Variants in GFRA1 observed in about 807,000 individuals in gnomAD.
GFRA1 encodes the protein GDNF family receptor alpha 1.
In GFRA1, 16 loss-of-function variants were observed where a neutral mutation model predicts 51.6. The observed-to-expected ratio is 0.31, with a 90% CI of 0.21 to 0.47. GFRA1 has a LOEUF of 0.47. Among genes scored for constraint, GFRA1 ranks in the 20% least tolerant of loss-of-function variants. GFRA1 has a pLI of 1.00. For missense variants in GFRA1, 530 were observed against 594.3 expected (o/e 0.89, Z 1.13); for synonymous variants, 270 against 241.3 (o/e 1.12, Z -1.10).
At chr10:116,255,866 T>A (rs1462399471) in intron 4 of GFRA1, 4 of 456,594 alleles carry the variant, frequency 8.8e-6, no homozygotes, top group Non-Finnish European at 1.2e-5. Flanking sequence ...AAATCAGTGT[T>A]TTGGACTGAC....
intron 6 of GFRA1, among the ~76,000 whole-genome samples, chr10:116,102,386 T>C (rs1264358637): frequency 6.6e-6 from 1 of 152,032 alleles, no homozygotes; most frequent in African/African-American, 2.4e-5. Context: ...GACAAGAGGG[T>C]AGTGAGTCTA....
intron 5 of GFRA1, among the ~76,000 whole-genome samples, chr10:116,189,190 ATAGACT>A (rs1455085572): frequency 6.6e-6 from 1 of 151,906 alleles, no homozygotes; most frequent in African/African-American, 2.4e-5. Flanking sequence ...ATGCCTCTTC[ATAGACT>A]TAAAGGTGGG....
chr10:116,254,508 TAA>T (rs11447649), intron 4 of GFRA1, among the ~76,000 whole-genome samples: 1 of 145,714 alleles, frequency 6.9e-6, no homozygotes, highest in South Asian at 2.2e-4. Context: ...CTGACTCTAT[TAA>T]AAAAAAAAAG....
chr10:116,247,273 T>G (rs1213557527), intron 4 of GFRA1, among the ~76,000 whole-genome samples: 2 of 152,242 alleles, frequency 1.3e-5, no homozygotes, highest in Non-Finnish European at 2.9e-5. Context: ...CCCTTGAATC[T>G]AACTGCTTCT....
intron 5 of GFRA1, among the ~76,000 whole-genome samples, chr10:116,182,810 C>A (rs1458454953): frequency 6.6e-6 from 1 of 152,212 alleles, no homozygotes; most frequent in Non-Finnish European, 1.5e-5. Flanking sequence ...GAGCAAAGCC[C>A]AGGTCTGAAA....
intron 9 of GFRA1, among the ~76,000 whole-genome samples, chr10:116,078,026 A>G (rs1955691082): frequency 6.6e-6 from 1 of 152,238 alleles, no homozygotes; most frequent in African/African-American, 2.4e-5. Flanking sequence ...TGCCACTTAC[A>G]TGTATGATAC....
intron 4 of GFRA1, among the ~76,000 whole-genome samples, chr10:116,263,330 A>G (rs1399272610): frequency 6.6e-6 from 1 of 152,196 alleles, no homozygotes; most frequent in Non-Finnish European, 1.5e-5. Flanking sequence ...ATTGAGGACC[A>G]AGTATGTTTC....
At chr10:116,072,667 A>G (rs140795676) in intron 9 of GFRA1, among the ~76,000 whole-genome samples, 3 of 152,178 alleles carry the variant, frequency 2.0e-5, no homozygotes, top group Non-Finnish European at 2.9e-5. Flanking sequence ...AGGCTGAGGC[A>G]GGAGAATTGC....
intron 4 of GFRA1, among the ~76,000 whole-genome samples, chr10:116,264,259 C>T (rs897727781): frequency 1.3e-5 from 2 of 152,156 alleles, no homozygotes; most frequent in Non-Finnish European, 2.9e-5. Flanking sequence ...GGCAAAGGTC[C>T]CCAAGCCTAC....
At chr10:116,180,094 C>T (rs1962060194) in intron 5 of GFRA1, among the ~76,000 whole-genome samples, 1 of 152,194 alleles carries the variant, frequency 6.6e-6, no homozygotes, top group Non-Finnish European at 1.5e-5. Context: ...TGCCAGTCAG[C>T]AAATATTTCT....
chr10:116,151,023 G>A (rs903678742), intron 5 of GFRA1, among the ~76,000 whole-genome samples: 1 of 150,968 alleles, frequency 6.6e-6, no homozygotes, highest in African/African-American at 2.4e-5. Context: ...TTTTCTAAAC[G>A]GGAAAAAGGG....
chr10:116,125,646 C>T (rs1197936571), intron 5 of GFRA1, 89 bp from the exon 6 acceptor site: 29 of 1,022,116 alleles, frequency 2.8e-5, no homozygotes, highest in Non-Finnish European at 4.3e-5. Flanking sequence ...TGCCATTTAT[C>T]TGGCATTGCC....
intron 4 of GFRA1, among the ~76,000 whole-genome samples, chr10:116,230,565 T>A (rs1336474369): frequency 6.6e-6 from 1 of 152,216 alleles, no homozygotes; most frequent in Non-Finnish European, 1.5e-5. Context: ...AAATCTAGCT[T>A]TTCCAGCTAG....
At chr10:116,212,871 T>G (rs1965307522) in intron 4 of GFRA1, among the ~76,000 whole-genome samples, 1 of 152,220 alleles carries the variant, frequency 6.6e-6, no homozygotes, top group African/African-American at 2.4e-5. Flanking sequence ...CTTCACAAAC[T>G]TATGTACAAA....
chr10:116,218,402 G>A (rs188116985), intron 4 of GFRA1, among the ~76,000 whole-genome samples: 9 of 152,240 alleles, frequency 5.9e-5, no homozygotes, highest in African/African-American at 1.9e-4. Flanking sequence ...TCTATAGCGG[G>A]GTTCTATGGA....
intron 5 of GFRA1, among the ~76,000 whole-genome samples, chr10:116,155,022 C>T (rs915583835): frequency 1.8e-4 from 27 of 152,106 alleles, no homozygotes; most frequent in Non-Finnish European, 2.6e-4. Context: ...TATTTATGTG[C>T]CACATATATT....
At chr10:116,255,426 C>G (rs1589915898) in intron 4 of GFRA1, among the ~76,000 whole-genome samples, 3 of 150,510 alleles carry the variant, frequency 2.0e-5, no homozygotes, top group Admixed American at 2.0e-4. Flanking sequence ...TAATAGAAAA[C>G]AATGCTTCAA....
intron 5 of GFRA1, among the ~76,000 whole-genome samples, chr10:116,181,536 C>G (rs1026795254): frequency 6.6e-6 from 1 of 152,130 alleles, no homozygotes; most frequent in Non-Finnish European, 1.5e-5. Flanking sequence ...AATAATATCT[C>G]GATGAGCTAT....
At chr10:116,168,730 C>A (rs1444953114) in intron 5 of GFRA1, among the ~76,000 whole-genome samples, 2 of 152,186 alleles carry the variant, frequency 1.3e-5, no homozygotes, top group Admixed American at 6.5e-5. Flanking sequence ...AGGCCATGGG[C>A]TCTGCTGAAT....
Sources: gnomAD v4.1 joint callset for allele counts (sites outside exome capture counted in the v4.1 genomes callset) on GRCh38, gnomAD v4.1.1 for gene constraint, MANE v1.5 for transcripts, NCBI Gene and HGNC (gene_info 2026-07-23, HGNC 2026-07-21) for gene names.